RBM47: variants seen among roughly 807,000 people sequenced by gnomAD.
RBM47 encodes RNA binding motif protein 47.
In RBM47, 21 loss-of-function variants were observed where a neutral mutation model predicts 47.1. The observed-to-expected ratio is 0.45, with a 90% CI of 0.32 to 0.64. The LOEUF (loss-of-function observed/expected upper bound fraction) is 0.64. RBM47 is among the 30% of genes least tolerant of loss of function. RBM47 has a pLI of 0.05. For missense variants in RBM47, 708 were observed against 870.9 expected, an observed-to-expected ratio of 0.81 and a Z score of 2.35; for synonymous variants, 375 against 361.7, an observed-to-expected ratio of 1.04 and a Z score of -0.42.
rs189481905 is a variant in RBM47, at chr4:40,433,869, T to C, written c.1331-1007A>G. Among the ~76,000 whole-genome samples the C allele has an allele frequency of 5.5e-4, 84 of 152,286 alleles. 1 individual carries two copies. The highest frequency in any genetic ancestry group is 1.9e-3 in the African/African-American group (77 of 41,558). ...GGGACCTCCCAATTCAAAGAATTTC[T>C]GCAAGTAAAGTCCAAAATTATGATT... On this transcript the variant is annotated intron_variant, in intron 5 of 6. Coordinates refer to ENST00000295971, the MANE Select transcript of RBM47 (RefSeq NM_001098634.2).
At chr4:40,583,376 T>C (rs1404130123) in intron 1 of RBM47, among the ~76,000 whole-genome samples, 2 of 108,338 alleles carry the variant, frequency 1.8e-5, no homozygotes, top group South Asian at 6.6e-4. Flanking sequence ...ATCACGCCAC[T>C]ACTCCATCTC....
chr4:40,528,020 A>G lies in RBM47; in HGVS notation c.-155+16402T>C, dbSNP rs535216473. Among the ~76,000 whole-genome samples, 4 of 152,356 alleles carry G rather than the reference A, an allele frequency of 2.6e-5. No homozygotes were observed. The East Asian group carries it at 7.7e-4, about 29-fold the overall frequency. On this transcript the variant is annotated intron_variant, in intron 2 of 6. Transcript: ENST00000295971. Reference sequence around the variant, plus strand: ...TGCACTGCCCATTAAGTACTAAAAAATCAATTCAACAAATACTTACGAAGT... The same window carrying G: ...TGCACTGCCCATTAAGTACTAAAAAGTCAATTCAACAAATACTTACGAAGT...
At chr4:40,580,768 G>A (rs1732819399) in intron 1 of RBM47, among the ~76,000 whole-genome samples, 1 of 152,250 alleles carries the variant, frequency 6.6e-6, no homozygotes, top group Non-Finnish European at 1.5e-5. Flanking sequence ...GGCAGAGACA[G>A]GAGAATTTCA....
chr4:40,610,714 C>T (rs1736190593), intron 1 of RBM47, among the ~76,000 whole-genome samples: 1 of 151,918 alleles, frequency 6.6e-6, no homozygotes, highest in Non-Finnish European at 1.5e-5. Context: ...ATTGTATCTC[C>T]CAGAATTCCC....
At chr4:40,476,961 G>A (rs1719696844) in intron 2 of RBM47, among the ~76,000 whole-genome samples, 1 of 152,212 alleles carries the variant, frequency 6.6e-6, no homozygotes, top group African/African-American at 2.4e-5. Context: ...TGGGCCGGGT[G>A]TGGTGGCTCA....
At chr4:40,518,414 G>A (rs1560440154) in intron 2 of RBM47, among the ~76,000 whole-genome samples, 2 of 152,002 alleles carry the variant, frequency 1.3e-5, no homozygotes, top group African/African-American at 4.8e-5. Context: ...GAGCTCAAGT[G>A]ATCCACCTGC....
intron 2 of RBM47, among the ~76,000 whole-genome samples, chr4:40,515,473 T>G (rs537170519): frequency 6.6e-6 from 1 of 152,292 alleles, no homozygotes; most frequent in East Asian, 1.9e-4. Flanking sequence ...CAGAATTGGC[T>G]TTGGTTGCAG....
At chr4:40,463,571 G>A (rs1381688653) in intron 3 of RBM47, among the ~76,000 whole-genome samples, 1 of 152,076 alleles carries the variant, frequency 6.6e-6, no homozygotes, top group Non-Finnish European at 1.5e-5. Flanking sequence ...TAAATATTCA[G>A]TGAATGAATG....
rs139398476 is a variant in RBM47 at position 40,438,201 on chromosome 4, G to A, written c.693C>T (p.Ala231=). Residue 231 remains alanine, a synonymous_variant, in exon 4 of 7, where the codon GCC becomes GCT. Transcript: ENST00000295971. ...LWGHQIAVDW[A]EPEIDVDEDV... Reference sequence around the variant, plus strand: ...CCTCGTCCACGTCGATCTCAGGTTCGGCCCAGTCCACGGCGATCTGGTGGC... The same window carrying A: ...CCTCGTCCACGTCGATCTCAGGTTCAGCCCAGTCCACGGCGATCTGGTGGC... The A allele has an allele frequency of 1.7e-5, 27 of 1,606,778 alleles. No homozygotes were observed. Among genetic ancestry groups the A allele is most frequent in the Middle Eastern group, 1.6e-4 (1 of 6,084 alleles).
rs142701786 is a variant in RBM47, at chr4:40,465,013, C to G, written c.-32+1564G>C. On this transcript the variant is annotated intron_variant, in intron 3 of 6. Transcript: ENST00000295971. ...GTGGGCTTATGGGTAGATTTTGTTA[C>G]ATTTTTCTATAATTTCCAGATTTCC... Among the ~76,000 whole-genome samples the G allele has an allele frequency of 6.9e-3, 1,028 of 148,742 alleles. 11 individuals carry two copies. The highest frequency in any genetic ancestry group is 0.023 in the African/African-American group (954 of 40,706).
intron 1 of RBM47, among the ~76,000 whole-genome samples, chr4:40,574,898 C>CA (rs1210462152): frequency 1.3e-5 from 2 of 151,878 alleles, no homozygotes; most frequent in East Asian, 1.9e-4. Context: ...AGGAAAAGAA[C>CA]AAAAAATGAA....
intron 2 of RBM47, among the ~76,000 whole-genome samples, chr4:40,523,419 G>T (rs1470800757): frequency 6.6e-6 from 1 of 152,074 alleles, no homozygotes; most frequent in African/African-American, 2.4e-5. Flanking sequence ...GGGAGGCCAA[G>T]ACGGGCAGAT....
In RBM47 at chr4:40,432,708, CGCGGCT is replaced by C; in HGVS notation, c.1479_1484del (p.Ala501_Ala502del). 6.3e-7 allele frequency: 1 copy of C among 1,589,718 alleles called. No homozygotes were observed. Among genetic ancestry groups the C allele is most frequent in the Non-Finnish European group, 8.6e-7 (1 of 1,164,636 alleles). Reference sequence around the variant, plus strand: ...TGACAGCGGCTGCGGCGGCTGCGGCCGCGGCTGCGGCGGCAGCAGCACTGGCTGGGT... The same window carrying C: ...TGACAGCGGCTGCGGCGGCTGCGGCCGCGGCGGCAGCAGCACTGGCTGGGT... On this transcript the variant is annotated inframe_deletion, in exon 6 of 7. Coordinates refer to ENST00000295971, the MANE Select transcript of RBM47 (RefSeq NM_001098634.2).
chr4:40,563,102 A>T (rs1419690234), intron 1 of RBM47, among the ~76,000 whole-genome samples: 4 of 152,212 alleles, frequency 2.6e-5, no homozygotes, highest in African/African-American at 4.8e-5. Flanking sequence ...GAGGCAGGAG[A>T]ATCACTTGAA....
At chr4:40,477,301 G>A (rs1255065646) in intron 2 of RBM47, among the ~76,000 whole-genome samples, 3 of 152,006 alleles carry the variant, frequency 2.0e-5, no homozygotes, top group Non-Finnish European at 2.9e-5. Flanking sequence ...AATAGCTATC[G>A]ACAGTGACTA....
chr4:40,564,606 TATC>T (rs1389950872), intron 1 of RBM47, among the ~76,000 whole-genome samples: 1 of 152,240 alleles, frequency 6.6e-6, no homozygotes, highest in Non-Finnish European at 1.5e-5. Context: ...TCTGTTGGTT[TATC>T]ATCAAACATG....
At chr4:40,528,969 T>A (rs1727069143) in intron 2 of RBM47, among the ~76,000 whole-genome samples, 1 of 149,620 alleles carries the variant, frequency 6.7e-6, no homozygotes, top group Admixed American at 6.7e-5. Context: ...AATAAATAAA[T>A]AAATAAATAA....
intron 1 of RBM47, among the ~76,000 whole-genome samples, chr4:40,591,287 T>C (rs1407634489): frequency 6.6e-6 from 1 of 152,178 alleles, no homozygotes; most frequent in Non-Finnish European, 1.5e-5. Flanking sequence ...TATACCATAT[T>C]GTCAATCTAC....
intron 1 of RBM47, among the ~76,000 whole-genome samples, chr4:40,587,366 G>A (rs1733690946): frequency 1.3e-5 from 2 of 152,132 alleles, no homozygotes; most frequent in Non-Finnish European, 2.9e-5. Flanking sequence ...ACACTAAGAA[G>A]AGACCAGAAG....
Sources: allele counts gnomAD v4.1 joint callset (sites outside exome capture counted in the v4.1 genomes callset), GRCh38; gene constraint gnomAD v4.1.1; transcripts MANE v1.5; gene names NCBI Gene and HGNC (gene_info 2026-07-23, HGNC 2026-07-21).